Variants in RC3H2 observed in about 807,000 individuals in gnomAD.
RC3H2 encodes the protein roquin-2.
A neutral mutation model predicts 133.3 loss-of-function variants in RC3H2; 31 were observed. That is an observed-to-expected ratio of 0.23 (90% CI 0.17 to 0.31). The LOEUF (loss-of-function observed/expected upper bound fraction) is 0.31. Ranked by LOEUF, RC3H2 falls within the 10% of genes least tolerant of loss-of-function variation. The pLI is 1.00. For synonymous variants in RC3H2, 517 were observed against 502.2 expected (o/e 1.03, Z -0.40); for missense variants, 1,175 against 1,437.2 (o/e 0.82, Z 2.95).
intron 4 of RC3H2, among the ~76,000 whole-genome samples, chr9:122,884,095 C>T (rs950631893): frequency 1.5e-4 from 23 of 152,210 alleles, no homozygotes; most frequent in African/African-American, 5.5e-4. Flanking sequence ...GAGATCGATA[C>T]CATCCTGGCT....
chr9:122,866,221 A>G (rs1010195531), intron 9 of RC3H2, among the ~76,000 whole-genome samples: 1 of 152,216 alleles, frequency 6.6e-6, no homozygotes, highest in African/African-American at 2.4e-5. Context: ...GTTTATACCT[A>G]AAGTTAAAAA....
chr9:122,866,608 T>C (rs1830682836), intron 9 of RC3H2, among the ~76,000 whole-genome samples: 1 of 152,108 alleles, frequency 6.6e-6, no homozygotes. Flanking sequence ...GGTTTCACTG[T>C]GTTGGCTGGG....
intron 9 of RC3H2, among the ~76,000 whole-genome samples, chr9:122,877,185 T>G (rs1831378424): frequency 6.6e-6 from 1 of 152,116 alleles, no homozygotes; most frequent in African/African-American, 2.4e-5. Flanking sequence ...TCCTTCCACT[T>G]CAGTCTTTTG....
chr9:122,891,989 G>A (rs1181259044), intron 3 of RC3H2, among the ~76,000 whole-genome samples: 3 of 152,166 alleles, frequency 2.0e-5, no homozygotes, highest in Non-Finnish European at 2.9e-5. Context: ...ATGAATGACT[G>A]AATGAATACA....
At chr9:122,860,179 A>G in intron 10 of RC3H2, 48 bp from the exon 11 acceptor site, 1 of 1,363,810 alleles carries the variant, frequency 7.3e-7, no homozygotes, top group Non-Finnish European at 1.0e-6. Context: ...ACTGTCTATG[A>G]CTGTCCTCCT....
chr9:122,852,857 A>G (rs771678059), intron 18 of RC3H2, among the ~76,000 whole-genome samples: 151 of 151,246 alleles, frequency 1.0e-3, no homozygotes, highest in East Asian at 1.4e-3. Context: ...CCCTCTGCCC[A>G]GCCACCACCC....
chr9:122,891,665 C>T (rs981096101), intron 3 of RC3H2, among the ~76,000 whole-genome samples: 1 of 152,198 alleles, frequency 6.6e-6, no homozygotes, highest in Non-Finnish European at 1.5e-5. Context: ...ATGCCTGACA[C>T]TCTCAGTCCA....
intron 9 of RC3H2, among the ~76,000 whole-genome samples, chr9:122,870,421 A>AC (rs1831033032): frequency 1.3e-5 from 2 of 151,758 alleles, no homozygotes; most frequent in South Asian, 2.1e-4. Flanking sequence ...AACAAAAAAA[A>AC]AACAACAAAC....
At chr9:122,883,429 G>C in intron 4 of RC3H2, 50 bp from the exon 5 acceptor site, 1 of 1,438,544 alleles carries the variant, frequency 7.0e-7, no homozygotes, top group Non-Finnish European at 9.4e-7. Context: ...GAACCCATCA[G>C]ATCATGTGTG....
intron 18 of RC3H2, among the ~76,000 whole-genome samples, chr9:122,853,378 T>TAAAAA (rs72033785): frequency 9.6e-5 from 8 of 83,718 alleles, no homozygotes; most frequent in African/African-American, 1.5e-4. Flanking sequence ...GAATGATCAA[T>TAAAAA]AAAAAAAAAA....
chr9:122,903,625 T>A (rs1832738146), intron 1 of RC3H2, among the ~76,000 whole-genome samples: 1 of 152,218 alleles, frequency 6.6e-6, no homozygotes, highest in Non-Finnish European at 1.5e-5. Context: ...TGTAATTAAA[T>A]CCTCATAGAA....
intron 10 of RC3H2, among the ~76,000 whole-genome samples, chr9:122,864,638 T>G (rs1386020401): frequency 6.6e-6 from 1 of 151,858 alleles, no homozygotes; most frequent in Non-Finnish European, 1.5e-5. Flanking sequence ...TTTTTTTTTT[T>G]GAGACAGTGT....
chr9:122,880,810 G>A lies in RC3H2; in HGVS notation c.760-16C>T. On this transcript the variant is annotated splice_polypyrimidine_tract_variant and intron_variant, in intron 5 of 20. Coordinates refer to ENST00000357244, the MANE Select transcript of RC3H2 (RefSeq NM_001100588.3). ...TTTTGGTAACCTAAAAAATAGAAAA[G>A]AGAAAAATCAGAATTGGTCTGTGCT... 1 of 1,592,670 alleles carries A rather than the reference G, an allele frequency of 6.3e-7. No individual in the cohort carries two copies. Among genetic ancestry groups the A allele is most frequent in the Non-Finnish European group, 8.6e-7 (1 of 1,160,920 alleles).
At chr9:122,875,151 C>G in intron 9 of RC3H2, 1 of 1,535,462 alleles carries the variant, frequency 6.5e-7, no homozygotes, top group Non-Finnish European at 8.8e-7. Flanking sequence ...GTACAAACAG[C>G]ATCTTTTTTC....
At chr9:122,850,618 T>A (rs1302769394) in intron 20 of RC3H2, among the ~76,000 whole-genome samples, 1 of 151,750 alleles carries the variant, frequency 6.6e-6, no homozygotes, top group Non-Finnish European at 1.5e-5. Context: ...AATTTTTTTG[T>A]ATTTTTGTAG....
intron 1 of RC3H2, among the ~76,000 whole-genome samples, chr9:122,898,455 A>C (rs1832513410): frequency 6.6e-6 from 1 of 152,164 alleles, no homozygotes; most frequent in African/African-American, 2.4e-5. Context: ...TATTTCTGAG[A>C]TCAAAATGTT....
rs568465316 is a variant in RC3H2 at position 122,890,050 on chromosome 9, G to A, written c.583+262C>T. On this transcript the variant is annotated intron_variant, in intron 4 of 20. Coordinates refer to ENST00000357244, the MANE Select transcript of RC3H2 (RefSeq NM_001100588.3). ...CCAGCTACTTAGGGGGCTGAGTCAG[G>A]AGAATTGCTTGAGCATGGATGTCGA... The A allele has an allele frequency of 1.7e-4, 100 of 589,856 alleles. No homozygotes were observed. In the African/African-American group the frequency reaches 1.7e-3, roughly 10 times the overall value. The allele number at this position is 589,856 out of a possible 1,614,324, so 36.5% of individuals were successfully genotyped here.
intron 4 of RC3H2, among the ~76,000 whole-genome samples, chr9:122,886,227 GTATCAGTATT>G (rs1831907353): frequency 6.6e-6 from 1 of 152,194 alleles, no homozygotes; most frequent in Non-Finnish European, 1.5e-5. Context: ...CATGCAGCAT[GTATCAGTATT>G]TATTCCTTTT....
At chr9:122,867,392 C>T (rs1389121156) in intron 9 of RC3H2, among the ~76,000 whole-genome samples, 147 of 141,208 alleles carry the variant, frequency 1.0e-3, no homozygotes, top group South Asian at 4.6e-3. Context: ...CCAGCCGCTC[C>T]GTCCGGGAGG....
Sources: allele counts gnomAD v4.1 joint callset (sites outside exome capture counted in the v4.1 genomes callset), GRCh38; gene constraint gnomAD v4.1.1; transcripts MANE v1.5; gene names NCBI Gene and HGNC (gene_info 2026-07-23, HGNC 2026-07-21).